SLC38A6: variants seen among roughly 807,000 people sequenced by gnomAD.
SLC38A6 encodes N system amino acid transporter NAT-1.
Under a neutral mutation model 65.0 loss-of-function variants are expected in SLC38A6, and 73 were observed. That is an observed-to-expected ratio of 1.12 (90% CI 0.93 to 1.37). The LOEUF is 1.37. Ranked by LOEUF, SLC38A6 falls within the 40% of genes most tolerant of loss-of-function variation. The pLI, the probability that SLC38A6 is intolerant of heterozygous loss-of-function variation, is 0.00. For synonymous variants in SLC38A6, 183 were observed against 178.8 expected (o/e 1.02, Z -0.19); for missense variants, 561 against 531.1 (o/e 1.06, Z -0.55).
intron 5 of SLC38A6, among the ~76,000 whole-genome samples, chr14:61,025,007 G>A (rs536744299): frequency 1.8e-4 from 27 of 152,198 alleles, no homozygotes; most frequent in African/African-American, 6.0e-4. Flanking sequence ...TCATTACTAC[G>A]TTTTGTGAAA....
intron 15 of SLC38A6, among the ~76,000 whole-genome samples, chr14:61,077,374 G>A (rs1392664105): frequency 6.6e-6 from 1 of 152,162 alleles, no homozygotes; most frequent in African/African-American, 2.4e-5. Context: ...ATTCGTTGAT[G>A]ACCTAGTTGA....
chr14:61,051,286 G>T (rs565084203), intron 13 of SLC38A6, among the ~76,000 whole-genome samples: 1 of 152,282 alleles, frequency 6.6e-6, no homozygotes, highest in African/African-American at 2.4e-5. Context: ...TTACAGCAGG[G>T]ACTGGATAAA....
intron 15 of SLC38A6, among the ~76,000 whole-genome samples, chr14:61,063,156 A>G (rs2042911562): frequency 6.6e-6 from 1 of 152,206 alleles, no homozygotes; most frequent in Admixed American, 6.5e-5. Flanking sequence ...TTTATATACA[A>G]AATTGATTCT....
intron 3 of SLC38A6, among the ~76,000 whole-genome samples, chr14:60,997,131 T>G (rs2038353719): frequency 6.6e-6 from 1 of 152,084 alleles, no homozygotes; most frequent in African/African-American, 2.4e-5. Context: ...TTTGTGGTTT[T>G]GGGAGGGGGT....
chr14:61,012,136 A>T (rs1364050869), intron 3 of SLC38A6, among the ~76,000 whole-genome samples: 1 of 152,264 alleles, frequency 6.6e-6, no homozygotes, highest in East Asian at 1.9e-4. Flanking sequence ...CAAGGAATTT[A>T]TCCATTTCTT....
chr14:61,015,240 A>AT (rs760175076), intron 3 of SLC38A6, among the ~76,000 whole-genome samples: 1 of 152,202 alleles, frequency 6.6e-6, no homozygotes, highest in Non-Finnish European at 1.5e-5. Flanking sequence ...AAAGCGCAGT[A>AT]TTAGGGTGGG....
chr14:61,050,754 G>T, intron 13 of SLC38A6, 118 bp downstream of exon 13: 1 of 960,644 alleles, frequency 1.0e-6, no homozygotes, highest in South Asian at 4.2e-5. Context: ...TTATTCACTT[G>T]TCAAGTAATT....
chr14:60,994,951 C>T (rs537089953), intron 3 of SLC38A6, among the ~76,000 whole-genome samples: 1 of 135,704 alleles, frequency 7.4e-6, no homozygotes, highest in East Asian at 2.2e-4. Context: ...TTGCAGTGAG[C>T]TGAAATCGTG....
At position 61,043,465 on chromosome 14, in the gene SLC38A6, G is replaced by A; in HGVS notation, c.706G>A (p.Asp236Asn). Residue 236 changes from aspartate to asparagine, a missense_variant, in exon 10 of 16, where the codon GAT becomes AAT. Coordinates refer to ENST00000267488, the MANE Select transcript of SLC38A6 (RefSeq NM_153811.3). The part of the protein sequence containing the change: ...EKGFQISNVT[D>N]DCKPKLFHFS... ...TCTTAAACAGATTTCAAATGTTACA[G>A]ATGATTGTAAGCCAAAGCTCTTTCA... 6.2e-7 allele frequency: 1 copy of A among 1,608,156 alleles called. No individual in the cohort carries two copies.
chr14:60,982,414 C>T (rs2037124064), intron 1 of SLC38A6, 94 bp from the exon 2 acceptor site: 1 of 1,531,790 alleles, frequency 6.5e-7, no homozygotes, highest in Non-Finnish European at 8.9e-7. Flanking sequence ...TGGTTTGCAG[C>T]TTTTTTCCAT....
chr14:61,004,627 A>G (rs2038953393), intron 3 of SLC38A6: 1 of 152,206 alleles, frequency 6.6e-6, no homozygotes, highest in African/African-American at 2.4e-5. Context: ...CCCTCCCAAC[A>G]CTAAACCAGG....
At chr14:61,048,001 A>G (rs1474603997) in intron 12 of SLC38A6, 1 of 325,588 alleles carries the variant, frequency 3.1e-6, no homozygotes, top group Non-Finnish European at 6.0e-6. Flanking sequence ...ATACATACAT[A>G]CATACATACA....
rs2039139316 is a variant in SLC38A6 at position 61,006,598 on chromosome 14, A to T, written c.311-9306A>T. 2.6e-5 allele frequency among the ~76,000 whole-genome samples: 4 copies of T among 152,362 alleles called. No individual in the cohort carries two copies. The South Asian group carries it at 8.3e-4, about 32-fold the overall frequency. On this transcript the variant is annotated intron_variant, in intron 3 of 15. Coordinates refer to ENST00000267488, the MANE Select transcript of SLC38A6 (RefSeq NM_153811.3). The stretch of plus-strand genomic sequence containing the variant: ...AATGCTCACCATCACTGGCCATCAG[A>T]GAAATGCAAATCAAAACCACAATGA...
rs1319203931 is a variant in SLC38A6 at position 60,981,388 on chromosome 14, T to C, written c.105+6T>C. ...TGAGTCCGTTGCTAAGCAACGTAAGTGGGCTGTGTTCGCTTCCCCGCGCTG... is the reference window on the plus strand; with the variant it reads ...TGAGTCCGTTGCTAAGCAACGTAAGCGGGCTGTGTTCGCTTCCCCGCGCTG... On this transcript the variant is annotated splice_donor_region_variant and intron_variant, in intron 1 of 15. Transcript: ENST00000267488. 3 of 1,587,166 alleles carry C rather than the reference T, an allele frequency of 1.9e-6. No homozygotes were observed. Among genetic ancestry groups the C allele is most frequent in the Non-Finnish European group, 1.7e-6 (2 of 1,166,680 alleles).
chr14:60,994,590 G>A (rs1348676444), intron 3 of SLC38A6, among the ~76,000 whole-genome samples: 1 of 151,950 alleles, frequency 6.6e-6, no homozygotes, highest in Admixed American at 6.6e-5. Flanking sequence ...TGTAATCCCA[G>A]CTAGTTGGGA....
chr14:61,021,964 A>G (rs143669364), intron 5 of SLC38A6, among the ~76,000 whole-genome samples: 10 of 152,238 alleles, frequency 6.6e-5, no homozygotes, highest in African/African-American at 2.4e-4. Flanking sequence ...GCCATTGGGT[A>G]GCCATGTGTC....
intron 1 of SLC38A6, chr14:60,981,633 G>A (rs1236626850): frequency 4.1e-6 from 6 of 1,453,350 alleles, no homozygotes; most frequent in Admixed American, 2.1e-5. Flanking sequence ...GCAGCGTTGA[G>A]TGGAAGCTGC....
chr14:61,074,538 C>G (rs2043333642), intron 15 of SLC38A6, among the ~76,000 whole-genome samples: 1 of 152,142 alleles, frequency 6.6e-6, no homozygotes, highest in Non-Finnish European at 1.5e-5. Flanking sequence ...ATGAGGGTCT[C>G]ACCCTCATCA....
chr14:61,043,266 AAAAG>A (rs1373143763), intron 9 of SLC38A6, 54 bp downstream of exon 9: 2 of 1,243,656 alleles, frequency 1.6e-6, no homozygotes, highest in African/African-American at 1.5e-5. Flanking sequence ...AACTAAAAAG[AAAAG>A]AAAGACTAAT....
Sources: gnomAD v4.1 joint callset for allele counts (sites outside exome capture counted in the v4.1 genomes callset) on GRCh38, gnomAD v4.1.1 for gene constraint, MANE v1.5 for transcripts, NCBI Gene and HGNC (gene_info 2026-07-23, HGNC 2026-07-21) for gene names.